RBP5: variants seen among roughly 807,000 people sequenced by gnomAD.
RBP5 encodes the protein retinol-binding protein 5.
A neutral mutation model predicts 17.8 loss-of-function variants in RBP5; 12 were observed. The observed-to-expected ratio is 0.67, with a 90% CI of 0.43 to 1.09. RBP5 has a LOEUF of 1.09. RBP5 is among the 50% of genes least tolerant of loss of function. The pLI is 0.00. For missense variants in RBP5, 172 were observed against 169.4 expected, an observed-to-expected ratio of 1.02 and a Z score of -0.09; for synonymous variants, 64 against 68.1, an observed-to-expected ratio of 0.94 and a Z score of 0.30.
At chr12:7,129,191 C>G (rs1464672172), upstream of RBP5, 1 of 265,064 alleles carries the variant, frequency 3.8e-6, no homozygotes, top group Non-Finnish European at 7.6e-6. The surrounding 1 kb of genome is among the most constrained non-coding windows in gnomAD (Gnocchi z 5.5). Flanking sequence ...GGGAACCGTC[C>G]CAGGGCCTGA....
chr12:7,119,874 C>T (rs769191480), downstream of RBP5, among the ~76,000 whole-genome samples: 5 of 152,254 alleles, frequency 3.3e-5, no homozygotes, highest in Non-Finnish European at 2.9e-5. Context: ...TATACTCCTG[C>T]AGCTAGTAAT....
chr12:7,127,769 A>C, intron 2 of RBP5: 1 of 698,716 alleles, frequency 1.4e-6, no homozygotes, highest in Non-Finnish European at 2.6e-6. Context: ...GATAGTGGGC[A>C]GACAAAAGGG....
At chr12:7,116,038 A>C (rs1489182391) in exon 4 of RBP5, 1 of 152,204 alleles carries the variant, frequency 6.6e-6, no homozygotes, top group Admixed American at 6.5e-5. Context: ...TTACAATTCC[A>C]CATGAGATTT....
chr12:7,127,761 T>C (rs771262518), intron 2 of RBP5: 1 of 698,968 alleles, frequency 1.4e-6, no homozygotes, highest in Admixed American at 2.0e-5. Context: ...AGCCTATGGA[T>C]AGTGGGCAGA....
In RBP5 at chr12:7,124,394, C is replaced by T. The variant is rs918136195; in HGVS notation, c.355-220G>A. ...ATGTGAGTGGCTGAAGCCTCCATCTCGCCAGTGATGATTTATGGGCATTCA... is the reference window on the plus strand; with the variant it reads ...ATGTGAGTGGCTGAAGCCTCCATCTTGCCAGTGATGATTTATGGGCATTCA... On this transcript the variant is annotated intron_variant, in intron 3 of 3. Coordinates refer to ENST00000266560, the MANE Select transcript of RBP5 (RefSeq NM_031491.4). This position sits in a 1 kb window ranked among gnomAD's most constrained non-coding sequence, Gnocchi z 5.3. Among the ~76,000 whole-genome samples the T allele has an allele frequency of 2.6e-5, 4 of 152,292 alleles. No homozygotes were observed. The East Asian group carries it at 5.8e-4, about 22-fold the overall frequency.
chr12:7,128,278 C>T lies in RBP5; in HGVS notation c.214G>A (p.Glu72Lys). 2 of 1,614,168 alleles carry T rather than the reference C, an allele frequency of 1.2e-6. No individual in the cohort carries two copies. The highest frequency in any genetic ancestry group is 1.7e-6 in the Non-Finnish European group (2 of 1,179,990). The change falls in exon 2 of 4, where the codon GAG becomes AAG. Residue 72 changes from glutamate to lysine, a missense_variant. Coordinates refer to ENST00000266560, the MANE Select transcript of RBP5 (RefSeq NM_031491.4). This position sits in a 1 kb window ranked among gnomAD's most constrained non-coding sequence, Gnocchi z 5.3. ...CCGTCCACGCTCCTGAGGTCCTCCT[C>T]AAACTCCACTCCCACATCAAACTGC... ...TVQFDVGVEF[E>K]EDLRSVDGRK...
downstream of RBP5, among the ~76,000 whole-genome samples, chr12:7,119,790 A>C (rs948314084): frequency 6.6e-6 from 1 of 152,258 alleles, no homozygotes; most frequent in Non-Finnish European, 1.5e-5. Flanking sequence ...AATTCCCAGC[A>C]GGAAGGAAAT....
Position 7,124,071 on chromosome 12 carries a change from A to C in RBP5, c.*50T>G. 27 of 1,573,028 alleles carry C rather than the reference A, an allele frequency of 1.7e-5. No homozygotes were observed. The highest frequency in any genetic ancestry group is 2.7e-5 in the African/African-American group (2 of 74,156). Reference sequence around the variant, plus strand: ...ATCTGGGCTTGAAGGGGGCACAACAAGAGCGTCTGTGAGCTGGTGCTGTCT... The same window carrying C: ...ATCTGGGCTTGAAGGGGGCACAACACGAGCGTCTGTGAGCTGGTGCTGTCT... On this transcript the variant is annotated 3_prime_UTR_variant, in exon 4 of 4. Coordinates refer to ENST00000266560, the MANE Select transcript of RBP5 (RefSeq NM_031491.4). The surrounding 1 kb of genome is among the most constrained non-coding windows in gnomAD (Gnocchi z 5.3).
chr12:7,119,863 A>G (rs1189861501), downstream of RBP5, among the ~76,000 whole-genome samples: 1 of 152,198 alleles, frequency 6.6e-6, no homozygotes, highest in Non-Finnish European at 1.5e-5. Context: ...GGCGATTTGT[A>G]TATACTCCTG....
At chr12:7,129,957 CTG>C (rs1939247884), upstream of RBP5, 1 of 315,330 alleles carries the variant, frequency 3.2e-6, no homozygotes, top group Admixed American at 5.9e-5. The surrounding 1 kb of genome is among the most constrained non-coding windows in gnomAD (Gnocchi z 5.5). Flanking sequence ...CAGGCTCAGA[CTG>C]AGGGTTTTAC....
At chr12:7,127,142 G>A (rs1375527373) in intron 2 of RBP5, among the ~76,000 whole-genome samples, 1 of 152,012 alleles carries the variant, frequency 6.6e-6, no homozygotes, top group Admixed American at 6.6e-5. Flanking sequence ...ACAGGCATGC[G>A]CCACCATGCC....
intron 2 of RBP5, among the ~76,000 whole-genome samples, chr12:7,127,984 C>T (rs759072018): frequency 2.0e-5 from 3 of 152,342 alleles, no homozygotes; most frequent in East Asian, 1.9e-4. Context: ...GTTTGCTCTT[C>T]GGTCTGGGTT....
downstream of RBP5, chr12:7,118,889 A>G (rs1939041139): frequency 6.5e-6 from 1 of 153,356 alleles, no homozygotes; most frequent in African/African-American, 2.4e-5. Flanking sequence ...GTTTTTAAAA[A>G]TCATTTTAGA....
downstream of RBP5, among the ~76,000 whole-genome samples, chr12:7,120,228 G>A (rs922544768): frequency 6.6e-6 from 1 of 152,086 alleles, no homozygotes; most frequent in African/African-American, 2.4e-5. Context: ...GGTGAGTGTG[G>A]AAGGTCAGCT....
upstream of RBP5, chr12:7,129,835 C>A: frequency 1.0e-6 from 1 of 984,814 alleles, no homozygotes; most frequent in Non-Finnish European, 1.2e-6. The surrounding 1 kb of genome is among the most constrained non-coding windows in gnomAD (Gnocchi z 5.5). Flanking sequence ...CAGGTGCGTG[C>A]GCGAGGGGTG....
Position 7,124,573 on chromosome 12 carries a change from G to GGATGCCTTATAGCTGGAGGCCC in RBP5, c.354+34_354+55dup, listed in dbSNP as rs1939128003. 1.0e-6 allele frequency: 1 copy of GGATGCCTTATAGCTGGAGGCCC among 964,900 alleles called. No individual in the cohort carries two copies. Among genetic ancestry groups the GGATGCCTTATAGCTGGAGGCCC allele is most frequent in the Admixed American group, 1.7e-5 (1 of 57,350 alleles). The allele number at this position is 964,900 out of a possible 1,614,324, so 59.8% of individuals were successfully genotyped here. On this transcript the variant is annotated intron_variant, in intron 3 of 3. Coordinates refer to ENST00000266560, the MANE Select transcript of RBP5 (RefSeq NM_031491.4). This position sits in a 1 kb window ranked among gnomAD's most constrained non-coding sequence, Gnocchi z 5.3. ...GTGGACCTATCTGGTTTGGACAAGG[G>GGATGCCTTATAGCTGGAGGCCC]GATGCCTTATAGCTGGAGGCCCTTC... is the stretch of plus-strand genomic sequence containing the variant.
exon 4 of RBP5, chr12:7,115,899 A>T (rs751860113): frequency 2.0e-5 from 3 of 152,184 alleles, no homozygotes; most frequent in Non-Finnish European, 4.4e-5. Flanking sequence ...AAGTCTACAC[A>T]CTTTTAAACA....
downstream of RBP5, chr12:7,120,660 C>T (rs1939068419): frequency 1.3e-5 from 2 of 155,094 alleles, no homozygotes; most frequent in African/African-American, 2.4e-5. Context: ...CATGGGTACT[C>T]TTATGACTGA....
downstream of RBP5, chr12:7,119,533 T>A (rs868476926): frequency 1.0e-4 from 16 of 154,980 alleles, 1 homozygote; most frequent in Middle Eastern, 8.3e-3. Context: ...AGATGATGGC[T>A]ACACTAGCCC....
Sources: gnomAD v4.1 joint callset for allele counts (sites outside exome capture counted in the v4.1 genomes callset) on GRCh38, gnomAD v4.1.1 for gene constraint, Gnocchi (gnomAD v3.1) non-coding constraint, MANE v1.5 for transcripts, NCBI Gene and HGNC (gene_info 2026-07-23, HGNC 2026-07-21) for gene names.